The following WDFY4 variants were observed in gnomAD, a reference collection of about 807,000 sequenced individuals.
The protein encoded by WDFY4 is WD repeat- and FYVE domain-containing protein 4.
WDFY4 carries 169 observed loss-of-function variants against 351.9 expected under a neutral mutation model. The observed-to-expected ratio is 0.48, with a 90% confidence interval of 0.42 to 0.55. The LOEUF (loss-of-function observed/expected upper bound fraction) is 0.55. Among genes scored for constraint, WDFY4 ranks in the 20% least tolerant of loss-of-function variants. The pLI is 0.00. For missense variants in WDFY4, 3,803 were observed against 3,935.6 expected (o/e 0.97, Z 0.90); for synonymous variants, 1,622 against 1,574.6 (o/e 1.03, Z -0.71).
At chr10:48,787,901 TTC>T (rs1565198591) in intron 20 of WDFY4, among the ~76,000 whole-genome samples, 3,106 of 30,212 alleles carry the variant, frequency 0.1, 205 homozygotes, top group East Asian at 0.16. Context: ...CTCCTTCTTC[TTC>T]TTCTTCTTCT....
intron 12 of WDFY4, among the ~76,000 whole-genome samples, chr10:48,750,490 T>C (rs12217721): frequency 0.074 from 11,272 of 152,280 alleles, 563 homozygotes; most frequent in East Asian, 0.19. Context: ...TTGCTTCTTA[T>C]GCTTTTGTCT....
intron 20 of WDFY4, 51 bp from the exon 21 acceptor site, chr10:48,788,479 T>C (rs553734133): frequency 6.1e-5 from 93 of 1,531,314 alleles, no homozygotes; most frequent in South Asian, 8.5e-5. Context: ...GAGGATTAAT[T>C]TCCTGCTCTG....
Position 48,780,123 on chromosome 10 carries a change from A to AG in WDFY4, c.3576+5dup, listed in dbSNP as rs2066169951. 6.4e-7 allele frequency: 1 copy of AG among 1,551,798 alleles called. No homozygotes were observed. Among genetic ancestry groups the AG allele is most frequent in the Middle Eastern group, 1.7e-4 (1 of 5,994 alleles). ...ACAGGTCATTGGCTCTGCCAAGGTG[A>AG]GATGGCTCCTCCAAGCTGCACTTGC... On this transcript the variant is annotated splice_donor_region_variant and intron_variant, in intron 19 of 61. Coordinates refer to ENST00000325239, the MANE Select transcript of WDFY4 (RefSeq NM_001394531.1).
chr10:48,771,996 T>C (rs569540470), intron 13 of WDFY4, among the ~76,000 whole-genome samples: 17 of 152,316 alleles, frequency 1.1e-4, no homozygotes, highest in African/African-American at 4.1e-4. Context: ...GGCTTCACTT[T>C]GGTGGTCTAG....
chr10:48,775,023 C>T (rs2065984835), intron 14 of WDFY4, among the ~76,000 whole-genome samples: 1 of 151,942 alleles, frequency 6.6e-6, no homozygotes, highest in Admixed American at 6.5e-5. Context: ...CTGACTGTGT[C>T]CTGTAGGGAG....
chr10:48,767,909 AC>A (rs2065724238), intron 13 of WDFY4, among the ~76,000 whole-genome samples: 1 of 152,102 alleles, frequency 6.6e-6, no homozygotes, highest in Non-Finnish European at 1.5e-5. Context: ...CACTTCCAGG[AC>A]CCCCAGAAAG....
In WDFY4 at chr10:48,709,830, A is replaced by C. The variant is rs965997547; in HGVS notation, c.98A>C (p.His33Pro). ...GCTGCTGTGCAGCCTGATGTCCCAC[A>C]TGGAGGGCAGTCCTCCAGCCCCACA... is the stretch of plus-strand genomic sequence containing the variant. ...QLAAVQPDVP[H>P]GGQSSSPTAL... is the part of the protein sequence containing the mutation. The change falls in exon 2 of 62, where the codon CAT (histidine) becomes CCT (proline). Residue 33 changes from histidine (H) to proline (P), a missense_variant. Physicochemically the swap from His to Pro is moderately conservative, Grantham distance 77 (BLOSUM62 -2). Around this residue, in one of 3 missense-constraint regions of WDFY4, gnomAD observed 488 missense variants for 456.8 expected, o/e 1.07. Transcript: ENST00000325239. 6.4e-7 allele frequency: 1 copy of C among 1,551,898 alleles called. No individual in the cohort carries two copies. Among genetic ancestry groups the C allele is most frequent in the Non-Finnish European group, 8.7e-7 (1 of 1,147,028 alleles).
chr10:48,830,435 C>T (rs1589709299), intron 37 of WDFY4, among the ~76,000 whole-genome samples: 1 of 152,208 alleles, frequency 6.6e-6, no homozygotes, highest in Admixed American at 6.5e-5. Context: ...GTTTCCCAGT[C>T]CTGGACATGT....
chr10:48,790,577 T>C, intron 22 of WDFY4, 150 bp from the exon 23 acceptor site: 1 of 838,316 alleles, frequency 1.2e-6, no homozygotes, highest in Non-Finnish European at 1.8e-6. Context: ...CTCCTGCTCT[T>C]CCCCCCAGCC....
At chr10:48,711,287 T>C (rs2063762605) in intron 2 of WDFY4, among the ~76,000 whole-genome samples, 1 of 152,232 alleles carries the variant, frequency 6.6e-6, no homozygotes, top group Non-Finnish European at 1.5e-5. Flanking sequence ...TGTAGTCCCA[T>C]TCATCTCATT....
intron 1 of WDFY4, among the ~76,000 whole-genome samples, chr10:48,704,439 A>G (rs2063567474): frequency 6.6e-6 from 1 of 152,124 alleles, no homozygotes; most frequent in Admixed American, 6.5e-5. Context: ...CACGGCCGGC[A>G]GGGAGGAGTG....
rs1338141948 is a variant in WDFY4, at chr10:48,828,814, A to G, written c.6258A>G (p.Arg2086=). Residue 2086 remains arginine, a synonymous_variant, in exon 37 of 62, where the codon AGA becomes AGG. Transcript: ENST00000325239. ...PEGFGLEPKP[R]MSTYHQVFLS... The stretch of plus-strand genomic sequence containing the variant: ...GATTTGGATTGGAGCCCAAGCCTAG[A>G]ATGTCTACTTATCATCAAGTCTTCC... The G allele has an allele frequency of 1.1e-5, 17 of 1,550,078 alleles. No individual in the cohort carries two copies. The highest frequency in any genetic ancestry group is 1.5e-5 in the Non-Finnish European group (17 of 1,146,458).
intron 55 of WDFY4, 62 bp downstream of exon 55, chr10:48,966,735 G>T: frequency 6.6e-7 from 1 of 1,517,474 alleles, no homozygotes. Context: ...CAGTGGCTGG[G>T]TTCCTCTGGA....
intron 24 of WDFY4, 128 bp from the exon 25 acceptor site, chr10:48,803,158 A>AG: frequency 1.1e-6 from 1 of 869,816 alleles, no homozygotes; most frequent in Non-Finnish European, 1.8e-6. Flanking sequence ...CTGATTCCAG[A>AG]GCTGGTACAT....
intron 47 of WDFY4, among the ~76,000 whole-genome samples, chr10:48,935,916 GT>G (rs1345473566): frequency 5.1e-5 from 7 of 138,110 alleles, no homozygotes; most frequent in African/African-American, 1.8e-4. Flanking sequence ...TTTTTTTTCA[GT>G]TTTTTTCTTA....
chr10:48,914,545 A>C (rs976884411), intron 47 of WDFY4, among the ~76,000 whole-genome samples: 2 of 152,186 alleles, frequency 1.3e-5, no homozygotes, highest in Non-Finnish European at 2.9e-5. Context: ...CCCCCAACCC[A>C]GAGCCATGTG....
chr10:48,739,723 A>G (rs1469040121), intron 11 of WDFY4, among the ~76,000 whole-genome samples: 1 of 152,220 alleles, frequency 6.6e-6, no homozygotes, highest in East Asian at 1.9e-4. Context: ...AAACAAAGCA[A>G]CAATTAAGGA....
chr10:48,736,390 C>T (rs1295230191), intron 11 of WDFY4: 3 of 578,130 alleles, frequency 5.2e-6, no homozygotes, highest in South Asian at 4.4e-5. Flanking sequence ...CATTTTCATT[C>T]AGGCCTAGAA....
rs1322895734 is a variant in WDFY4, at chr10:48,955,626, G to A, written c.7978-1503G>A. Among the ~76,000 whole-genome samples the A allele has an allele frequency of 2.6e-5, 4 of 152,326 alleles. No individual in the cohort carries two copies. The South Asian group carries it at 6.2e-4, about 24-fold the overall frequency. On this transcript the variant is annotated intron_variant, in intron 51 of 61. Transcript: ENST00000325239. ...TTGGGAAAAATCAGTGTACTTTGAG[G>A]AGCCTCCTTTTTCTGGTCTGCCAAA...
Sources: gnomAD v4.1 joint callset for allele counts (sites outside exome capture counted in the v4.1 genomes callset) on GRCh38, gnomAD v4.1.1 for gene constraint, gnomAD v4.1.1 regional missense constraint, MANE v1.5 for transcripts, NCBI Gene and HGNC (gene_info 2026-07-23, HGNC 2026-07-21) for gene names.